CLASP1: variants seen among roughly 807,000 people sequenced by gnomAD.
CLASP1 encodes the protein CLIP-associating protein 1.
Under a neutral mutation model 192.3 loss-of-function variants are expected in CLASP1, and 38 were observed. That is an observed-to-expected ratio of 0.20 (90% CI 0.15 to 0.26). CLASP1 has a LOEUF of 0.26. CLASP1 is among the 10% of genes least tolerant of loss of function. The pLI is 1.00. For missense variants in CLASP1, 1,433 were observed against 1,932.5 expected, an observed-to-expected ratio of 0.74 and a Z score of 4.85; for synonymous variants, 691 against 712.8, an observed-to-expected ratio of 0.97 and a Z score of 0.49.
chr2:121,451,330 T>C (rs2085433011), intron 15 of CLASP1, among the ~76,000 whole-genome samples: 2 of 152,254 alleles, frequency 1.3e-5, no homozygotes, highest in South Asian at 4.1e-4. Flanking sequence ...AACAAAAGCT[T>C]GTGTTTTTCA....
chr2:121,465,477 C>T (rs894881186), intron 9 of CLASP1, among the ~76,000 whole-genome samples: 1 of 152,068 alleles, frequency 6.6e-6, no homozygotes, highest in African/African-American at 2.4e-5. Flanking sequence ...TGTGAAGGAC[C>T]TCTTTAAGGA....
chr2:121,521,204 T>G (rs960293807), intron 6 of CLASP1, among the ~76,000 whole-genome samples: 2 of 152,162 alleles, frequency 1.3e-5, no homozygotes, highest in African/African-American at 2.4e-5. Context: ...TTCAACATAA[T>G]CTAACTTTTG....
chr2:121,591,602 C>T (rs1017471020), intron 2 of CLASP1, among the ~76,000 whole-genome samples: 1 of 152,306 alleles, frequency 6.6e-6, no homozygotes, highest in East Asian at 1.9e-4. Context: ...GCTCCTCCAC[C>T]TAGGAAACGT....
intron 2 of CLASP1, among the ~76,000 whole-genome samples, chr2:121,546,464 A>G (rs1418892993): frequency 6.6e-6 from 1 of 151,972 alleles, no homozygotes; most frequent in Non-Finnish European, 1.5e-5. Flanking sequence ...AACTCCACCC[A>G]TGGAAAACGG....
intron 37 of CLASP1, among the ~76,000 whole-genome samples, chr2:121,350,678 T>C (rs1234914701): frequency 6.6e-6 from 1 of 152,194 alleles, no homozygotes; most frequent in African/African-American, 2.4e-5. Context: ...GTTCATCTCA[T>C]TAACAATGGA....
Position 121,404,354 on chromosome 2 carries a change from C to T in CLASP1, c.2733+17G>A. 1 of 1,609,974 alleles carries T rather than the reference C, an allele frequency of 6.2e-7. No homozygotes were observed. Among genetic ancestry groups the T allele is most frequent in the Non-Finnish European group, 8.5e-7 (1 of 1,178,218 alleles). ...CATGCAGGGGTAAAGACAGGGCAGG[C>T]ATGACTTCAGACTTACCTTGCTATG... is the stretch of plus-strand genomic sequence containing the variant. On this transcript the variant is annotated intron_variant, in intron 26 of 39. Transcript: ENST00000263710.
intron 23 of CLASP1, among the ~76,000 whole-genome samples, chr2:121,418,024 A>G (rs745872120): frequency 1.3e-5 from 2 of 152,258 alleles, no homozygotes; most frequent in Non-Finnish European, 2.9e-5. Context: ...TAATTATTGA[A>G]GAATACAAAA....
intron 32 of CLASP1, among the ~76,000 whole-genome samples, chr2:121,384,169 T>TAC (rs35612382): frequency 0.025 from 3,544 of 142,374 alleles, 68 homozygotes; most frequent in African/African-American, 0.05. Context: ...TATATATATA[T>TAC]ACACACACAC....
At chr2:121,365,225 C>T in exon 36 of CLASP1, 4 of 1,613,748 alleles carry the variant, frequency 2.5e-6, no homozygotes, top group Non-Finnish European at 3.4e-6. Flanking sequence ...TCCACTCGCT[C>T]ATTGTGGTTG....
rs556511708 is a variant in CLASP1 at position 121,497,897 on chromosome 2, T to C, written c.712+5270A>G. Among the ~76,000 whole-genome samples the C allele has an allele frequency of 1.5e-3, 224 of 152,278 alleles. 1 individual carries two copies. Among genetic ancestry groups the C allele is most frequent in the African/African-American group, 5.2e-3 (216 of 41,566 alleles). On this transcript the variant is annotated intron_variant, in intron 8 of 39. Coordinates refer to ENST00000263710, the Ensembl canonical transcript of CLASP1. ...ACCACGCCCGGGCCCAGCTAATTTTTTGTATTTTTAGTAGAGATGGGGCTT... is the reference window on the plus strand; with the variant it reads ...ACCACGCCCGGGCCCAGCTAATTTTCTGTATTTTTAGTAGAGATGGGGCTT...
rs540074532 is a variant in CLASP1 at position 121,516,886 on chromosome 2, G to A, written c.547-1124C>T. On this transcript the variant is annotated intron_variant, in intron 6 of 39. Transcript: ENST00000263710. ...TACTATAAATACAAAAAAATTAGCCGGGCGTGGTGGTGCATGCACCTGTAA... is the reference window on the plus strand; with the variant it reads ...TACTATAAATACAAAAAAATTAGCCAGGCGTGGTGGTGCATGCACCTGTAA... Among the ~76,000 whole-genome samples, 48 of 152,250 alleles carry A rather than the reference G, an allele frequency of 3.2e-4. No homozygotes were observed. The East Asian group carries it at 6.9e-3, about 22-fold the overall frequency.
chr2:121,450,189 G>C (rs2085160812), intron 16 of CLASP1, among the ~76,000 whole-genome samples: 1 of 152,102 alleles, frequency 6.6e-6, no homozygotes, highest in African/African-American at 2.4e-5. Context: ...ACATTAGCCA[G>C]GCGTGAGGGC....
chr2:121,352,223 G>A (rs1374690025), intron 37 of CLASP1, among the ~76,000 whole-genome samples: 1 of 152,224 alleles, frequency 6.6e-6, no homozygotes, highest in Non-Finnish European at 1.5e-5. Context: ...TCCAGCTCAA[G>A]GGCCCTCGGC....
rs1343431435 is a variant in CLASP1 at position 121,549,712 on chromosome 2, A to T, written c.196-19387T>A. 2.6e-4 allele frequency among the ~76,000 whole-genome samples: 39 copies of T among 151,392 alleles called. No individual in the cohort carries two copies. The East Asian group carries it at 7.3e-3, about 28-fold the overall frequency. On this transcript the variant is annotated intron_variant, in intron 2 of 39. Transcript: ENST00000263710. ...GACATAAAACAATCCTCTGCAAAAA[A>T]AAAAAAAAAAAGGCCTGGCGTGGTG... is the stretch of plus-strand genomic sequence containing the variant.
At chr2:121,350,542 T>C (rs921600349) in intron 37 of CLASP1, among the ~76,000 whole-genome samples, 9 of 152,158 alleles carry the variant, frequency 5.9e-5, no homozygotes, top group Admixed American at 5.9e-4. Context: ...ACGCTCGGCT[T>C]CACCTTCAGC....
At chr2:121,390,045 A>G (rs1209037959) in intron 30 of CLASP1, among the ~76,000 whole-genome samples, 1 of 152,198 alleles carries the variant, frequency 6.6e-6, no homozygotes, top group African/African-American at 2.4e-5. Flanking sequence ...GGGCCCAAGT[A>G]TCCAATTTTT....
At chr2:121,531,051 A>ATTCGTAAATAAACTAGTAC in intron 2 of CLASP1, 1 of 697,634 alleles carries the variant, frequency 1.4e-6, no homozygotes, top group Non-Finnish European at 2.6e-6. Context: ...AACAGCAGTA[A>ATTCGTAAATAAACTAGTAC]TTCGTAAATA....
chr2:121,601,453 G>A (rs2063775474), intron 2 of CLASP1, among the ~76,000 whole-genome samples: 2 of 152,168 alleles, frequency 1.3e-5, no homozygotes, highest in East Asian at 3.9e-4. Flanking sequence ...TGTATTTTTA[G>A]TAGAGATGGG....
At chr2:121,395,584 G>A (rs1035762581) in intron 30 of CLASP1, among the ~76,000 whole-genome samples, 2 of 152,132 alleles carry the variant, frequency 1.3e-5, no homozygotes, top group African/African-American at 4.8e-5. Context: ...TCTTAAACAT[G>A]ACTACTGTCC....
Sources: allele counts gnomAD v4.1 joint callset (sites outside exome capture counted in the v4.1 genomes callset), GRCh38; gene constraint gnomAD v4.1.1; transcripts MANE v1.5; gene names NCBI Gene and HGNC (gene_info 2026-07-23, HGNC 2026-07-21).